Variants in FABP7 observed in about 807,000 individuals in gnomAD.
The protein encoded by FABP7 is fatty acid-binding protein, brain.
In FABP7, 13 loss-of-function variants were observed where a neutral mutation model predicts 14.2. The ratio of observed to expected loss-of-function variants is 0.91; its 90% CI spans 0.59 to 1.45. FABP7 has a LOEUF of 1.45. Among genes scored for constraint, FABP7 ranks in the 40% most tolerant of loss-of-function variants. The pLI is 0.00. For missense variants in FABP7, 149 were observed against 157.6 expected (o/e 0.95, Z 0.29); for synonymous variants, 49 against 51.4 (o/e 0.95, Z 0.20).
intron 3 of FABP7, 48 bp downstream of exon 3, chr6:122,781,242 G>T: frequency 1.3e-6 from 2 of 1,594,930 alleles, no homozygotes; most frequent in East Asian, 2.3e-5. Context: ...TCTCCTCTCC[G>T]CACACCTCTC....
At position 122,783,980 on chromosome 6, in the gene FABP7, G is replaced by GT; in HGVS notation, c.*214dup. 1 of 275,824 alleles carries GT rather than the reference G, an allele frequency of 3.6e-6. No individual in the cohort carries two copies. The highest frequency in any genetic ancestry group is 9.6e-5 in the South Asian group (1 of 10,394). 17.1% of individuals were successfully genotyped at this position (275,824 alleles called of 1,614,324 possible). On this transcript the variant is annotated 3_prime_UTR_variant, in exon 4 of 4. Coordinates refer to ENST00000368444, the MANE Select transcript of FABP7 (RefSeq NM_001446.5). ...GTTTTATAATTTGAATTAAAGTTTTGTCCCCCCCCCCCTTTTTTTTATAAA... is the reference window on the plus strand; with the variant it reads ...GTTTTATAATTTGAATTAAAGTTTTGTTCCCCCCCCCCCTTTTTTTTATAAA...
chr6:122,769,565 G>T, the FABP7 span, among the ~76,000 whole-genome samples: 4 of 152,004 alleles, frequency 2.6e-5, no homozygotes, highest in Non-Finnish European at 5.9e-5. Context: ...AATGTATTTG[G>T]TTTCAGAAAC....
At chr6:122,750,640 T>C in the FABP7 span, among the ~76,000 whole-genome samples, 7 of 152,194 alleles carry the variant, frequency 4.6e-5, no homozygotes, top group African/African-American at 1.7e-4. Context: ...ATATGTTTAA[T>C]GGTATGTGAG....
the FABP7 span, among the ~76,000 whole-genome samples, chr6:122,768,960 A>G: frequency 1.3e-5 from 2 of 152,144 alleles, no homozygotes; most frequent in African/African-American, 4.8e-5. Context: ...TATTTTTGCA[A>G]TATTAACTGT....
At chr6:122,753,516 G>A in the FABP7 span, among the ~76,000 whole-genome samples, 1 of 152,076 alleles carries the variant, frequency 6.6e-6, no homozygotes, top group Admixed American at 6.6e-5. Flanking sequence ...ACCTCAAGAT[G>A]ACTTGCTGTG....
the FABP7 span, among the ~76,000 whole-genome samples, chr6:122,771,518 T>C: frequency 6.6e-6 from 1 of 152,166 alleles, no homozygotes; most frequent in Non-Finnish European, 1.5e-5. Context: ...TAACCCATAG[T>C]AAACAGATCA....
At chr6:122,755,269 T>C in the FABP7 span, among the ~76,000 whole-genome samples, 2 of 152,086 alleles carry the variant, frequency 1.3e-5, no homozygotes, top group Admixed American at 1.3e-4. Context: ...CTCTTCCTAC[T>C]CTGGGCTGCA....
chr6:122,750,703 A>G, the FABP7 span, among the ~76,000 whole-genome samples: 1 of 152,226 alleles, frequency 6.6e-6, no homozygotes, highest in African/African-American at 2.4e-5. Flanking sequence ...AGAACTAAAC[A>G]AAGAAGACAA....
At chr6:122,768,297 T>C in the FABP7 span, among the ~76,000 whole-genome samples, 1 of 152,134 alleles carries the variant, frequency 6.6e-6, no homozygotes, top group Non-Finnish European at 1.5e-5. Context: ...CATAACCTTC[T>C]AAAACTGAAG....
the FABP7 span, among the ~76,000 whole-genome samples, chr6:122,774,164 C>T: frequency 6.6e-6 from 1 of 151,892 alleles, no homozygotes; most frequent in Non-Finnish European, 1.5e-5. Flanking sequence ...GGGTTCGAGA[C>T]CAGCCTAGCC....
intron 3 of FABP7, chr6:122,783,009 A>T (rs1410867690): frequency 1.0e-6 from 1 of 985,332 alleles, no homozygotes; most frequent in Non-Finnish European, 1.2e-6. Flanking sequence ...GATTGAGTTC[A>T]AAAAGGAAGA....
chr6:122,771,504 A>C, the FABP7 span, among the ~76,000 whole-genome samples: 7 of 152,306 alleles, frequency 4.6e-5, no homozygotes, highest in South Asian at 1.4e-3. Context: ...TTTACAAGTG[A>C]TAATAACCCA....
At chr6:122,765,822 A>T in the FABP7 span, among the ~76,000 whole-genome samples, 1 of 151,980 alleles carries the variant, frequency 6.6e-6, no homozygotes, top group African/African-American at 2.4e-5. Context: ...ACCTACTGAT[A>T]TGCCAAAGAG....
chr6:122,779,863 T>G lies in FABP7; in HGVS notation c.69T>G (p.Ala23=). Residue 23 remains alanine, a synonymous_variant, in exon 1 of 4, where the codon GCT becomes GCG. Transcript: ENST00000368444. The part of the protein sequence containing the change: ...NSQNFDEYMK[A]LGVGFATRQV... ...AGAACTTTGATGAGTACATGAAGGCTCTAGGTAGGTAACAATAAGACCGGC... is the reference window on the plus strand; with the variant it reads ...AGAACTTTGATGAGTACATGAAGGCGCTAGGTAGGTAACAATAAGACCGGC... 1 of 1,613,844 alleles carries G rather than the reference T, an allele frequency of 6.2e-7. No individual in the cohort carries two copies. Among genetic ancestry groups the G allele is most frequent in the African/African-American group, 1.3e-5 (1 of 75,020 alleles).
At chr6:122,767,357 A>C in the FABP7 span, among the ~76,000 whole-genome samples, 1 of 152,120 alleles carries the variant, frequency 6.6e-6, no homozygotes, top group South Asian at 2.1e-4. Flanking sequence ...TGAGGCTATA[A>C]AAATTGACAG....
the FABP7 span, among the ~76,000 whole-genome samples, chr6:122,756,398 G>T: frequency 2.8e-4 from 43 of 152,208 alleles, no homozygotes; most frequent in East Asian, 7.3e-3. Flanking sequence ...TTCTATTAAT[G>T]AAGTTGCTTC....
upstream of FABP7, among the ~76,000 whole-genome samples, chr6:122,779,108 A>T (rs1219754109): frequency 3.3e-5 from 5 of 152,036 alleles, no homozygotes. Flanking sequence ...TTCCTCATTG[A>T]CAGTCAGAGT....
the FABP7 span, among the ~76,000 whole-genome samples, chr6:122,754,638 G>A: frequency 1.6e-5 from 2 of 127,356 alleles, no homozygotes; most frequent in Non-Finnish European, 1.6e-5. Context: ...GGTAACAATG[G>A]GTGTTTTGTC....
chr6:122,757,753 G>C, the FABP7 span, among the ~76,000 whole-genome samples: 1 of 152,158 alleles, frequency 6.6e-6, no homozygotes, highest in African/African-American at 2.4e-5. Flanking sequence ...GTGGATTGCA[G>C]GCTTTCTTTC....
Sources: allele counts gnomAD v4.1 joint callset (sites outside exome capture counted in the v4.1 genomes callset), GRCh38; gene constraint gnomAD v4.1.1; transcripts MANE v1.5; gene names NCBI Gene and HGNC (gene_info 2026-07-23, HGNC 2026-07-21).